Variants in CEP15 observed in about 807,000 individuals in gnomAD.
The protein encoded by CEP15 is centrosomal protein 15 kDa.
the CEP15 span, among the ~76,000 whole-genome samples, chr3:62,322,734 A>G: frequency 6.6e-6 from 1 of 152,240 alleles, no homozygotes; most frequent in African/African-American, 2.4e-5. This position sits in a 1 kb window ranked among gnomAD's most constrained non-coding sequence, Gnocchi z 5.5. Flanking sequence ...TCCTATGACT[A>G]AAACATTTGG....
At chr3:62,331,585 G>A in the CEP15 span, among the ~76,000 whole-genome samples, 2 of 152,136 alleles carry the variant, frequency 1.3e-5, no homozygotes, top group African/African-American at 4.8e-5. Context: ...TAACTGAGAA[G>A]TATCTTGATT....
chr3:62,320,524 TGTAA>T, the CEP15 span: 2 of 1,609,258 alleles, frequency 1.2e-6, no homozygotes, highest in Non-Finnish European at 1.7e-6. Flanking sequence ...CATGAAGAAA[TGTAA>T]GTTTTTTTAA....
chr3:62,335,994 C>T, the CEP15 span: 3 of 152,082 alleles, frequency 2.0e-5, no homozygotes, highest in South Asian at 2.1e-4. Flanking sequence ...CTTTCTCATG[C>T]GTAGGGAGCA....
chr3:62,320,074 T>C, the CEP15 span, among the ~76,000 whole-genome samples: 2 of 152,268 alleles, frequency 1.3e-5, no homozygotes. Context: ...CCTTTCTGTC[T>C]ATGTGTGTTT....
the CEP15 span, chr3:62,320,504 T>C: frequency 6.2e-7 from 1 of 1,612,048 alleles, no homozygotes; most frequent in African/African-American, 1.3e-5. Flanking sequence ...AAATTCGCCT[T>C]TCTAAAAGAC....
chr3:62,319,291 G>C, the CEP15 span: 3 of 152,270 alleles, frequency 2.0e-5, no homozygotes, highest in African/African-American at 7.2e-5. Flanking sequence ...AGTGCTGATA[G>C]TGGGCCTCAC....
At chr3:62,322,813 A>C in the CEP15 span, among the ~76,000 whole-genome samples, 1 of 152,172 alleles carries the variant, frequency 6.6e-6, no homozygotes, top group Non-Finnish European at 1.5e-5. This position sits in a 1 kb window ranked among gnomAD's most constrained non-coding sequence, Gnocchi z 5.5. Context: ...ATTTTCATCG[A>C]TAGGCATGAT....
the CEP15 span, among the ~76,000 whole-genome samples, chr3:62,326,072 G>A: frequency 7.3e-5 from 11 of 150,514 alleles, no homozygotes; most frequent in African/African-American, 2.7e-4. Context: ...CACCTCAAGA[G>A]TAAGCTCATG....
At chr3:62,328,250 A>AT in the CEP15 span, among the ~76,000 whole-genome samples, 4 of 152,256 alleles carry the variant, frequency 2.6e-5, no homozygotes, top group African/African-American at 9.6e-5. Context: ...GATCTTATGC[A>AT]TCTAACCTTC....
At chr3:62,328,772 C>T in the CEP15 span, among the ~76,000 whole-genome samples, 1 of 134,108 alleles carries the variant, frequency 7.5e-6, no homozygotes, top group Non-Finnish European at 1.7e-5. Flanking sequence ...TTGTTAGATA[C>T]TCAGATGCAT....
At chr3:62,319,063 G>A in the CEP15 span, 1 of 152,362 alleles carries the variant, frequency 6.6e-6, no homozygotes, top group African/African-American at 2.4e-5. Context: ...TCGGTGAGTG[G>A]AGTCGGACAG....
chr3:62,328,033 G>A, the CEP15 span, among the ~76,000 whole-genome samples: 1 of 152,124 alleles, frequency 6.6e-6, no homozygotes, highest in Non-Finnish European at 1.5e-5. Flanking sequence ...CTCATTGTGT[G>A]CCTTTGCTGC....
the CEP15 span, chr3:62,333,241 A>T: frequency 6.3e-7 from 1 of 1,586,116 alleles, no homozygotes; most frequent in Non-Finnish European, 8.6e-7. The surrounding 1 kb of genome is among the most constrained non-coding windows in gnomAD (Gnocchi z 4.0). Context: ...TTACTTTTGG[A>T]TTTTTTTTTC....
At chr3:62,325,500 G>A in the CEP15 span, among the ~76,000 whole-genome samples, 1 of 152,160 alleles carries the variant, frequency 6.6e-6, no homozygotes, top group African/African-American at 2.4e-5. Flanking sequence ...AGGTAGTGAA[G>A]AATAGGCTTC....
chr3:62,326,339 A>T, the CEP15 span, among the ~76,000 whole-genome samples: 1 of 152,182 alleles, frequency 6.6e-6, no homozygotes. Flanking sequence ...ATGACCCTGT[A>T]TCTCATGCTT....
the CEP15 span, among the ~76,000 whole-genome samples, chr3:62,325,512 G>A: frequency 6.6e-6 from 1 of 152,204 alleles, no homozygotes; most frequent in African/African-American, 2.4e-5. Context: ...ATAGGCTTCA[G>A]TCAGTAACTA....
chr3:62,333,267 G>C, the CEP15 span: 1 of 1,609,126 alleles, frequency 6.2e-7, no homozygotes, highest in Non-Finnish European at 8.5e-7. The surrounding 1 kb of genome is among the most constrained non-coding windows in gnomAD (Gnocchi z 4.0). Flanking sequence ...TCGTTACTGG[G>C]CATCAGTAGA....
At chr3:62,327,502 G>T in the CEP15 span, among the ~76,000 whole-genome samples, 1 of 83,558 alleles carries the variant, frequency 1.2e-5, no homozygotes, top group Non-Finnish European at 2.3e-5. Flanking sequence ...AGTTCTAGAG[G>T]CTGGATCAGA....
At chr3:62,325,571 T>C in the CEP15 span, among the ~76,000 whole-genome samples, 1 of 152,208 alleles carries the variant, frequency 6.6e-6, no homozygotes, top group East Asian at 1.9e-4. Context: ...GATTTTTCCC[T>C]GTTAGTATTA....
Sources: gnomAD v4.1 joint callset for allele counts (sites outside exome capture counted in the v4.1 genomes callset) on GRCh38, gnomAD v4.1.1 for gene constraint, Gnocchi (gnomAD v3.1) non-coding constraint, MANE v1.5 for transcripts, NCBI Gene and HGNC (gene_info 2026-07-23, HGNC 2026-07-21) for gene names.